Variants in CPVL observed in about 807,000 individuals in gnomAD.
CPVL encodes the protein probable serine carboxypeptidase CPVL.
Under a neutral mutation model 63.7 loss-of-function variants are expected in CPVL, and 51 were observed. That is an observed-to-expected ratio of 0.80 (90% CI 0.64 to 1.01). The LOEUF is 1.01. Ranked by LOEUF, CPVL falls within the 50% of genes least tolerant of loss-of-function variation. The probability of loss-of-function intolerance (pLI) is 0.00; values close to 1 mark genes in which losing one functional copy is unlikely to be tolerated. For missense variants in CPVL, 530 were observed against 573.1 expected (o/e 0.92, Z 0.77); for synonymous variants, 195 against 206.0 (o/e 0.95, Z 0.46).
In CPVL at chr7:29,120,922, G is replaced by C. The variant is rs774751381; in HGVS notation, c.140C>G (p.Pro47Arg). The C allele has an allele frequency of 2.4e-5, 38 of 1,613,548 alleles. No homozygotes were observed. The highest frequency in any genetic ancestry group is 2.9e-5 in the Non-Finnish European group (34 of 1,179,924). ...GDSGQPLFLT[P>R]YIEAGKIQKG... ...TTGGATCTTCCCAGCTTCAATGTAA[G>C]GGGTGAGAAATAATGGCTGTCCTGA... Residue 47 changes from proline (P) to arginine (R), a missense_variant, in exon 2 of 13, where the codon CCT becomes CGT. Transcript: ENST00000265394.
chr7:29,092,708 G>C lies in CPVL; in HGVS notation c.463-6C>G. 1 of 1,605,444 alleles carries C rather than the reference G, an allele frequency of 6.2e-7. No homozygotes were observed. Among genetic ancestry groups the C allele is most frequent in the Non-Finnish European group, 8.5e-7 (1 of 1,172,144 alleles). Reference sequence around the variant, plus strand: ...AAACTGAAGCCTGTGCCCACCTGCAGGAGAAATAAACACGCAGGTATAAAC... The same window carrying C: ...AAACTGAAGCCTGTGCCCACCTGCACGAGAAATAAACACGCAGGTATAAAC... On this transcript the variant is annotated splice_region_variant and splice_polypyrimidine_tract_variant and intron_variant, in intron 5 of 12. Coordinates refer to ENST00000265394, the MANE Select transcript of CPVL (RefSeq NM_031311.5).
chr7:28,995,657 GA>G lies in CPVL; in HGVS notation c.*114del, dbSNP rs1311933676. The G allele has an allele frequency of 2.2e-5, 15 of 681,920 alleles. No individual in the cohort carries two copies. Among genetic ancestry groups the G allele is most frequent in the Non-Finnish European group, 2.5e-5 (10 of 401,994 alleles). The allele number at this position is 681,920 out of a possible 1,614,324, so 42.2% of individuals were successfully genotyped here. A position where few individuals can be genotyped will look rare whatever the true frequency, so the allele number is the denominator to read the frequency against. On this transcript the variant is annotated 3_prime_UTR_variant, in exon 13 of 13. Coordinates refer to ENST00000265394, the MANE Select transcript of CPVL (RefSeq NM_031311.5). Reference sequence around the variant, plus strand: ...TGTTTCAAGGATAATTTTTATTGATGAAAAAAATCTTGCAGATATGAAAAGA... The same window carrying G: ...TGTTTCAAGGATAATTTTTATTGATGAAAAAATCTTGCAGATATGAAAAGA...
intron 7 of CPVL, among the ~76,000 whole-genome samples, 180 bp downstream of exon 7, chr7:29,086,300 AATAT>A (rs76092553): frequency 1.6e-5 from 2 of 124,786 alleles, no homozygotes; most frequent in Non-Finnish European, 3.7e-5. Flanking sequence ...ACTAAAAAAA[AATAT>A]ATATATATAT....
chr7:29,091,916 T>C (rs1189177270), intron 6 of CPVL, among the ~76,000 whole-genome samples: 1 of 152,118 alleles, frequency 6.6e-6, no homozygotes, highest in Non-Finnish European at 1.5e-5. Flanking sequence ...GGTGGAGGTG[T>C]GGGGTAGGGA....
upstream of CPVL, chr7:29,147,026 G>C (rs564143853): frequency 6.5e-7 from 1 of 1,546,572 alleles, no homozygotes; most frequent in African/African-American, 1.4e-5. Context: ...TGGAGTCTCA[G>C]AGCCACCTGA....
rs1796567877 is a variant in CPVL at position 29,171,234 on chromosome 7, G to A, written c.-11+10056C>T. ...GAACAGCGCAGACATCACCTAATACGCGTCCTACTGTATTCTTTCTGCCAC... is the reference window on the plus strand; with the variant it reads ...GAACAGCGCAGACATCACCTAATACACGTCCTACTGTATTCTTTCTGCCAC... On this transcript the variant is annotated intron_variant, in intron 5 of 16. Coordinates refer to the CPVL transcript ENST00000409850. Among the ~76,000 whole-genome samples the A allele has an allele frequency of 2.0e-5, 3 of 152,002 alleles. No homozygotes were observed. The South Asian group carries it at 6.2e-4, about 32-fold the overall frequency.
chr7:29,013,019 T>G (rs1786007459), intron 12 of CPVL: 1 of 152,226 alleles, frequency 6.6e-6, no homozygotes, highest in South Asian at 2.1e-4. Flanking sequence ...CCAAAAGGAA[T>G]CTGCTTTGCT....
intron 12 of CPVL, among the ~76,000 whole-genome samples, chr7:29,005,151 C>T (rs1047023023): frequency 1.3e-5 from 2 of 152,140 alleles, no homozygotes; most frequent in South Asian, 2.1e-4. Flanking sequence ...CCTCCTGCCT[C>T]GGCCTCCCAA....
At chr7:29,152,967 A>C (rs766654727) in intron 5 of CPVL, among the ~76,000 whole-genome samples, 36 of 152,336 alleles carry the variant, frequency 2.4e-4, no homozygotes, top group Non-Finnish European at 4.3e-4. Flanking sequence ...GTCATCCTCT[A>C]TCTGAGGGGT....
At chr7:29,071,946 G>A (rs773783676) in intron 8 of CPVL, 42 bp from the exon 9 acceptor site, 2 of 1,610,496 alleles carry the variant, frequency 1.2e-6, no homozygotes, top group Non-Finnish European at 1.7e-6. Context: ...CAAAGGGAGA[G>A]AAAGAGACCT....
At chr7:29,050,681 C>T (rs186226110) in intron 11 of CPVL, among the ~76,000 whole-genome samples, 20 of 152,058 alleles carry the variant, frequency 1.3e-4, no homozygotes, top group African/African-American at 4.3e-4. Flanking sequence ...AAACAATCTA[C>T]AAATTCAATG....
intron 5 of CPVL, among the ~76,000 whole-genome samples, chr7:29,167,228 A>G (rs1796030895): frequency 1.3e-5 from 2 of 152,200 alleles, no homozygotes; most frequent in Admixed American, 6.5e-5. Context: ...TCCTAAAATA[A>G]TATATTAATT....
intron 3 of CPVL, among the ~76,000 whole-genome samples, chr7:29,108,722 G>T (rs992365262): frequency 1.3e-5 from 2 of 152,132 alleles, no homozygotes; most frequent in African/African-American, 2.4e-5. Flanking sequence ...CAAAACCATT[G>T]CCAAGTAGGT....
intron 4 of CPVL, chr7:29,184,299 TTATA>T (rs1798448951): frequency 6.6e-6 from 1 of 151,148 alleles, no homozygotes. Flanking sequence ...TTTAGGAATA[TTATA>T]TATGGTATAT....
chr7:29,066,167 G>A, intron 9 of CPVL, 46 bp from the exon 10 acceptor site: 1 of 964,224 alleles, frequency 1.0e-6, no homozygotes. Context: ...GAAAACATCA[G>A]TGTGGATAAA....
At chr7:29,138,553 A>G (rs1791497886) in intron 1 of CPVL, among the ~76,000 whole-genome samples, 1 of 152,192 alleles carries the variant, frequency 6.6e-6, no homozygotes, top group Non-Finnish European at 1.5e-5. Flanking sequence ...TGTGACTTAG[A>G]TGGCTGGGTG....
intron 5 of CPVL, among the ~76,000 whole-genome samples, chr7:29,154,337 C>G (rs1052670925): frequency 6.6e-6 from 1 of 152,212 alleles, no homozygotes; most frequent in Non-Finnish European, 1.5e-5. Context: ...GAATCAGCCT[C>G]TAGCATGTCT....
At chr7:29,156,204 G>A (rs945232290) in intron 5 of CPVL, among the ~76,000 whole-genome samples, 1 of 152,138 alleles carries the variant, frequency 6.6e-6, no homozygotes, top group African/African-American at 2.4e-5. Context: ...GTCTGGTTTT[G>A]CCTGTGTTTA....
At chr7:29,163,515 T>C (rs1229333613) in intron 5 of CPVL, among the ~76,000 whole-genome samples, 1 of 152,220 alleles carries the variant, frequency 6.6e-6, no homozygotes, top group African/African-American at 2.4e-5. Context: ...CATATGCATA[T>C]GAGCAATTAT....
Sources: allele counts gnomAD v4.1 joint callset (sites outside exome capture counted in the v4.1 genomes callset), GRCh38; gene constraint gnomAD v4.1.1; transcripts MANE v1.5; gene names NCBI Gene and HGNC (gene_info 2026-07-23, HGNC 2026-07-21).